Variants in IL31RA observed in about 807,000 individuals in gnomAD.
IL31RA encodes the protein interleukin 31 receptor A.
In IL31RA, 66 loss-of-function variants were observed where a neutral mutation model predicts 83.7. The observed-to-expected ratio is 0.79, with a 90% confidence interval of 0.65 to 0.97. IL31RA has a LOEUF of 0.97. Ranked by LOEUF, IL31RA falls within the 50% of genes least tolerant of loss-of-function variation. The pLI, the probability that IL31RA is intolerant of heterozygous loss-of-function variation, is 0.00. For missense variants in IL31RA, 798 were observed against 919.4 expected (o/e 0.87, Z 1.71); for synonymous variants, 325 against 329.0 (o/e 0.99, Z 0.13).
Position 55,908,389 on chromosome 5 carries a change from A to C in IL31RA, c.1479A>C (p.Gln493His), listed in dbSNP as rs748732759. Residue 493 changes from glutamine to histidine, a missense_variant, in exon 11 of 15, where the codon CAA becomes CAC. Gln to His is a conservative substitution (Grantham distance 24, BLOSUM62 0). Coordinates refer to ENST00000652347, the MANE Select transcript of IL31RA (RefSeq NM_139017.7). ...GIICNYTIFY[Q>H]AEGGKGFSKT... ...TCTGCAACTACACCATCTTTTACCA[A>C]GCTGAAGGTGGAAAAGGATTCTGTA... The C allele has an allele frequency of 1.7e-5, 28 of 1,614,070 alleles. 2 individuals carry two copies. In the East Asian group the frequency reaches 5.8e-4, roughly 33 times the overall value.
intron 4 of IL31RA, among the ~76,000 whole-genome samples, chr5:55,881,197 G>A (rs1282348860): frequency 6.6e-6 from 1 of 152,072 alleles, no homozygotes; most frequent in African/African-American, 2.4e-5. Flanking sequence ...AGCTACTAGG[G>A]GGGCTGAGGC....
chr5:55,888,230 G>A (rs1278968799), intron 5 of IL31RA, among the ~76,000 whole-genome samples: 1 of 152,130 alleles, frequency 6.6e-6, no homozygotes, highest in Non-Finnish European at 1.5e-5. Context: ...GCAGAGTTGG[G>A]GAAGTTTTGG....
At chr5:55,892,730 G>T (rs1347406233) in intron 6 of IL31RA, among the ~76,000 whole-genome samples, 1 of 152,204 alleles carries the variant, frequency 6.6e-6, no homozygotes, top group Non-Finnish European at 1.5e-5. Context: ...GTGGCTCAGA[G>T]TCTCAAGCTT....
intron 4 of IL31RA, among the ~76,000 whole-genome samples, chr5:55,880,660 AC>A (rs1747154686): frequency 6.6e-6 from 1 of 152,158 alleles, no homozygotes; most frequent in African/African-American, 2.4e-5. Context: ...ATGCCCTTTT[AC>A]CCAGTCAGCC....
intron 2 of IL31RA, among the ~76,000 whole-genome samples, chr5:55,862,826 C>T (rs180705340): frequency 1.3e-5 from 2 of 152,306 alleles, no homozygotes; most frequent in East Asian, 1.9e-4. Flanking sequence ...CTATTCATGA[C>T]CGTGGCAGTC....
intron 1 of IL31RA, among the ~76,000 whole-genome samples, chr5:55,854,136 A>C (rs1402024066): frequency 6.6e-6 from 1 of 152,202 alleles, no homozygotes; most frequent in Admixed American, 6.5e-5. Flanking sequence ...TGTATAGTGT[A>C]GTTAGCACTT....
chr5:55,912,667 C>T (rs565815173), intron 12 of IL31RA, among the ~76,000 whole-genome samples: 7 of 152,268 alleles, frequency 4.6e-5, no homozygotes, highest in East Asian at 3.9e-4. Context: ...CTTGGTGGCA[C>T]GTGCCTGTAA....
intron 8 of IL31RA, among the ~76,000 whole-genome samples, chr5:55,902,669 A>G (rs1012856123): frequency 1.3e-5 from 2 of 152,094 alleles, no homozygotes; most frequent in African/African-American, 2.4e-5. Context: ...TATTCTACAG[A>G]ATTTTGCTTA....
In IL31RA at chr5:55,921,557, C is replaced by A. The variant is rs1210410971; in HGVS notation, c.*4437C>A. ...AGAATTTTATGGTTGTCACATTTTGCGTGACTGTGTCCCATCAAAGGTTAT... is the reference window on the plus strand; with the variant it reads ...AGAATTTTATGGTTGTCACATTTTGAGTGACTGTGTCCCATCAAAGGTTAT... On this transcript the variant is annotated 3_prime_UTR_variant, in exon 15 of 15. Transcript: ENST00000652347. 6.6e-6 allele frequency among the ~76,000 whole-genome samples: 1 copy of A among 152,182 alleles called. No individual in the cohort carries two copies. The highest frequency in any genetic ancestry group is 1.5e-5 in the Non-Finnish European group (1 of 68,046).
At chr5:55,906,654 GC>G (rs1180831387) in intron 9 of IL31RA, among the ~76,000 whole-genome samples, 1 of 152,146 alleles carries the variant, frequency 6.6e-6, no homozygotes, top group East Asian at 1.9e-4. Flanking sequence ...TAAGAGTTAG[GC>G]CCCCTTCCCA....
intron 1 of IL31RA, among the ~76,000 whole-genome samples, chr5:55,857,312 G>T (rs758593890): frequency 7.9e-5 from 12 of 152,020 alleles, no homozygotes; most frequent in Non-Finnish European, 1.3e-4. Context: ...TGTTGCTCAG[G>T]CTGGTCTTGA....
At chr5:55,867,435 G>T (rs1446426061) in intron 2 of IL31RA, among the ~76,000 whole-genome samples, 1 of 151,876 alleles carries the variant, frequency 6.6e-6, no homozygotes, top group African/African-American at 2.4e-5. Flanking sequence ...GCATTACAAA[G>T]ATACCAAAAT....
chr5:55,880,526 T>C (rs150173590), intron 4 of IL31RA, among the ~76,000 whole-genome samples: 290 of 152,272 alleles, frequency 1.9e-3, no homozygotes, highest in African/African-American at 6.7e-3. Context: ...GATAATACTA[T>C]TCAATTCTAG....
At chr5:55,901,348 A>T (rs955087549) in intron 8 of IL31RA, among the ~76,000 whole-genome samples, 1 of 151,982 alleles carries the variant, frequency 6.6e-6, no homozygotes, top group Non-Finnish European at 1.5e-5. Flanking sequence ...CCAGGATGGG[A>T]GGTGGTAAAG....
chr5:55,873,354 A>G (rs1746651040), intron 4 of IL31RA, among the ~76,000 whole-genome samples: 1 of 152,106 alleles, frequency 6.6e-6, no homozygotes, highest in Admixed American at 6.6e-5. Flanking sequence ...ATTATGAATA[A>G]TGTTGCTGTG....
At chr5:55,851,751 GTAT>G (rs1262780290) in intron 1 of IL31RA, 118 bp downstream of exon 1, 18 of 1,594,732 alleles carry the variant, frequency 1.1e-5, no homozygotes, top group Non-Finnish European at 2.6e-6. Flanking sequence ...ATCCTGAGCC[GTAT>G]GAGATTCCGT....
intron 12 of IL31RA, among the ~76,000 whole-genome samples, chr5:55,912,663 G>T (rs1476436844): frequency 2.6e-5 from 4 of 152,180 alleles, no homozygotes; most frequent in Non-Finnish European, 5.9e-5. Context: ...CGGGCTTGGT[G>T]GCACGTGCCT....
chr5:55,908,146 C>G (rs1749267088), intron 10 of IL31RA, 119 bp from the exon 11 acceptor site: 5 of 1,391,910 alleles, frequency 3.6e-6, no homozygotes, highest in Non-Finnish European at 5.0e-6. Context: ...CCCTACTCAA[C>G]CCTCACCCGT....
chr5:55,916,939 C>T lies in IL31RA; in HGVS notation c.2114C>T (p.Ser705Leu), dbSNP rs763337032. 5.9e-5 allele frequency: 95 copies of T among 1,613,724 alleles called. No individual in the cohort carries two copies. Among genetic ancestry groups the T allele is most frequent in the Middle Eastern group, 3.3e-4 (2 of 6,084 alleles). ...CCCAGAAAATCCCAATACCTACGTT[C>T]GAGGATGCCAGAGGGGACCCGCCCA... ...IPPRKSQYLR[S>L]RMPEGTRPEA... is the part of the protein sequence containing the mutation. The change falls in exon 15 of 15, where the codon TCG (serine) becomes TTG (leucine). Residue 705 changes from serine to leucine, a missense_variant. Ser to Leu is a moderately radical substitution (Grantham distance 145). Transcript: ENST00000652347.
Sources: gnomAD v4.1 joint callset for allele counts (sites outside exome capture counted in the v4.1 genomes callset) on GRCh38, gnomAD v4.1.1 for gene constraint, MANE v1.5 for transcripts, NCBI Gene and HGNC (gene_info 2026-07-23, HGNC 2026-07-21) for gene names.